BCLAF1: variants seen among roughly 807,000 people sequenced by gnomAD.
BCLAF1 encodes BCL2 associated transcription factor 1.
A neutral mutation model predicts 99.5 loss-of-function variants in BCLAF1; 10 were observed. The observed-to-expected ratio is 0.10, with a 90% CI of 0.06 to 0.17. BCLAF1 has a LOEUF of 0.17. Ranked by LOEUF, BCLAF1 falls within the 10% of genes least tolerant of loss-of-function variation. The pLI, the probability that BCLAF1 is intolerant of heterozygous loss-of-function variation, is 1.00. For synonymous variants in BCLAF1, 255 were observed against 370.9 expected, an observed-to-expected ratio of 0.69 and a Z score of 3.59; for missense variants, 636 against 1,105.8, an observed-to-expected ratio of 0.58 and a Z score of 6.02.
chr6:136,279,987 TATTA>T, intron 2 of BCLAF1, 111 bp from the exon 3 acceptor site: 2 of 1,190,806 alleles, frequency 1.7e-6, no homozygotes, highest in Non-Finnish European at 2.2e-6. Context: ...TCTCAAAGGC[TATTA>T]TTCACCATCC....
intron 9 of BCLAF1, chr6:136,269,155 G>T: frequency 8.0e-7 from 1 of 1,245,906 alleles, no homozygotes; most frequent in Non-Finnish European, 1.0e-6. Flanking sequence ...ACTGTTTCTA[G>T]AAATGCACTG....
At chr6:136,266,319 A>G (rs1222634897) in intron 11 of BCLAF1, among the ~76,000 whole-genome samples, 1 of 152,120 alleles carries the variant, frequency 6.6e-6, no homozygotes, top group Non-Finnish European at 1.5e-5. Context: ...ATTCTCTGAA[A>G]AGCCATGACA....
At chr6:136,280,490 T>G (rs1784231341) in intron 2 of BCLAF1, among the ~76,000 whole-genome samples, 1 of 152,124 alleles carries the variant, frequency 6.6e-6, no homozygotes. Flanking sequence ...CAGAATAAAG[T>G]GGACTTATGT....
chr6:136,285,311 G>A (rs1784985176), intron 1 of BCLAF1, among the ~76,000 whole-genome samples: 1 of 152,226 alleles, frequency 6.6e-6, no homozygotes, highest in Non-Finnish European at 1.5e-5. Context: ...GAAGTACAGA[G>A]AGTGAGGAAA....
chr6:136,283,906 G>A (rs1360419755), intron 1 of BCLAF1, among the ~76,000 whole-genome samples: 2 of 151,802 alleles, frequency 1.3e-5, no homozygotes, highest in African/African-American at 4.8e-5. Flanking sequence ...ATTTCTAAAG[G>A]ACATATAAGT....
In BCLAF1 at chr6:136,275,824, G is replaced by C. The variant is rs760679903; in HGVS notation, c.1682+19C>G. 2 of 1,601,228 alleles carry C rather than the reference G, an allele frequency of 1.2e-6. No homozygotes were observed. The highest frequency in any genetic ancestry group is 1.7e-6 in the Non-Finnish European group (2 of 1,173,680). ...CTGACTGCCCACAGATTATTTACTGGGCATCAATATGGAATTACCTGTTAG... is the reference window on the plus strand; with the variant it reads ...CTGACTGCCCACAGATTATTTACTGCGCATCAATATGGAATTACCTGTTAG... On this transcript the variant is annotated intron_variant, in intron 5 of 12. Coordinates refer to ENST00000531224, the MANE Select transcript of BCLAF1 (RefSeq NM_014739.3).
rs1245684718 is a variant in BCLAF1 at position 136,259,160 on chromosome 6, G to A, written c.*1950C>T. 6.6e-6 allele frequency: 1 copy of A among 151,954 alleles called. No individual in the cohort carries two copies. Among genetic ancestry groups the A allele is most frequent in the African/African-American group, 2.4e-5 (1 of 41,410 alleles). The allele number at this position is 151,954 out of a possible 1,614,324, so 9.4% of individuals were successfully genotyped here. The stretch of plus-strand genomic sequence containing the variant: ...AATCACCCTAGCCTACTACACTCTG[G>A]TATAATACTCTTTCTTCAATTCTGT... On this transcript the variant is annotated 3_prime_UTR_variant, in exon 13 of 13. Transcript: ENST00000531224.
chr6:136,273,744 G>A (rs1782872969), intron 6 of BCLAF1, among the ~76,000 whole-genome samples: 1 of 151,804 alleles, frequency 6.6e-6, no homozygotes, highest in Non-Finnish European at 1.5e-5. Context: ...CAAAAATCTG[G>A]CATCTTGGCA....
chr6:136,287,180 G>GGC (rs1562271482), intron 1 of BCLAF1, among the ~76,000 whole-genome samples: 1 of 151,476 alleles, frequency 6.6e-6, no homozygotes, highest in Non-Finnish European at 1.5e-5. Context: ...GTGGCGGGCC[G>GGC]GCGCCTGTAG....
At chr6:136,288,122 G>C (rs1324416620) in intron 1 of BCLAF1, among the ~76,000 whole-genome samples, 1 of 152,152 alleles carries the variant, frequency 6.6e-6, no homozygotes, top group Non-Finnish European at 1.5e-5. Context: ...AGTCAAGAAG[G>C]GCTCTGGCTA....
intron 10 of BCLAF1, among the ~76,000 whole-genome samples, chr6:136,267,793 C>T (rs1262048338): frequency 6.6e-6 from 1 of 151,926 alleles, no homozygotes; most frequent in Non-Finnish European, 1.5e-5. Flanking sequence ...ATGAATGTAA[C>T]TGTAATACAG....
Position 136,273,120 on chromosome 6 carries a change from T to C in BCLAF1, c.1920A>G (p.Glu640=). ...ERFTSYQKAT[E]EHSTRQKSPE... is the part of the protein sequence containing the mutation. Reference sequence around the variant, plus strand: ...GGCTCTTTTGCCGAGTACTATGTTCTTCAGTGGCTTTCTGATACGAAGTGA... The same window carrying C: ...GGCTCTTTTGCCGAGTACTATGTTCCTCAGTGGCTTTCTGATACGAAGTGA... Residue 640 remains glutamate (E), a synonymous_variant, in exon 7 of 13, where the codon GAA becomes GAG. Transcript: ENST00000531224. The C allele has an allele frequency of 2.5e-6, 4 of 1,612,264 alleles. No individual in the cohort carries two copies. Among genetic ancestry groups the C allele is most frequent in the Non-Finnish European group, 3.4e-6 (4 of 1,178,632 alleles).
intron 2 of BCLAF1, 43 bp from the exon 3 acceptor site, chr6:136,279,919 G>C (rs1265055213): frequency 5.1e-6 from 7 of 1,378,042 alleles, no homozygotes; most frequent in Non-Finnish European, 6.6e-6. Flanking sequence ...ATTACAATAT[G>C]ATATTTAAAA....
chr6:136,285,112 T>A (rs187339966), intron 1 of BCLAF1, among the ~76,000 whole-genome samples: 1 of 152,118 alleles, frequency 6.6e-6, no homozygotes, highest in Non-Finnish European at 1.5e-5. Context: ...TAGCATCTAG[T>A]AGATCATCAA....
At chr6:136,285,217 T>C (rs1784972072) in intron 1 of BCLAF1, among the ~76,000 whole-genome samples, 1 of 152,018 alleles carries the variant, frequency 6.6e-6, no homozygotes, top group African/African-American at 2.4e-5. Flanking sequence ...GGCTGCTATA[T>C]AAAAAATAAA....
chr6:136,261,137 A>G (rs562481221), intron 12 of BCLAF1, 22 bp from the exon 13 acceptor site: 1 of 1,572,570 alleles, frequency 6.4e-7, no homozygotes, highest in Non-Finnish European at 8.6e-7. Flanking sequence ...AGAAAAAATT[A>G]AAGATTAACA....
In BCLAF1 at chr6:136,260,385, T is replaced by C. The variant is rs1035828810; in HGVS notation, c.*725A>G. Reference sequence around the variant, plus strand: ...CATGACTCAAACTATCAAATAGGAATAGAAAGAGAACACACAGTTTTGAAC... The same window carrying C: ...CATGACTCAAACTATCAAATAGGAACAGAAAGAGAACACACAGTTTTGAAC... On this transcript the variant is annotated 3_prime_UTR_variant, in exon 13 of 13. Transcript: ENST00000531224. 1 of 152,012 alleles carries C rather than the reference T, an allele frequency of 6.6e-6. No homozygotes were observed. The highest frequency in any genetic ancestry group is 2.1e-4 in the South Asian group (1 of 4,830). The allele number at this position is 152,012 out of a possible 1,614,324, so 9.4% of individuals were successfully genotyped here. A position where few individuals can be genotyped will look rare whatever the true frequency, so the allele number is the denominator to read the frequency against.
intron 11 of BCLAF1, among the ~76,000 whole-genome samples, chr6:136,265,549 A>G (rs1381440737): frequency 1.3e-5 from 2 of 152,138 alleles, no homozygotes; most frequent in Non-Finnish European, 2.9e-5. Flanking sequence ...TTTTCTTAAA[A>G]GTATTAAGAC....
intron 11 of BCLAF1, among the ~76,000 whole-genome samples, chr6:136,263,881 C>T (rs1323690289): frequency 6.6e-6 from 1 of 152,162 alleles, no homozygotes; most frequent in Non-Finnish European, 1.5e-5. Context: ...CATTACCACA[C>T]CTTTGCATAA....
Sources: allele counts gnomAD v4.1 joint callset (sites outside exome capture counted in the v4.1 genomes callset), GRCh38; gene constraint gnomAD v4.1.1; transcripts MANE v1.5; gene names NCBI Gene and HGNC (gene_info 2026-07-23, HGNC 2026-07-21).